The following DIS3L variants were observed in gnomAD, a reference collection of about 807,000 sequenced individuals.
The protein encoded by DIS3L is DIS3 like exosome 3'-5' exoribonuclease, also known as DIS3-like exonuclease 1.
A neutral mutation model predicts 120.3 loss-of-function variants in DIS3L; 100 were observed. The ratio of observed to expected loss-of-function variants is 0.83; its 90% confidence interval spans 0.71 to 0.98. The LOEUF (loss-of-function observed/expected upper bound fraction) is 0.98, where lower values mean the gene tolerates loss of function less well. Among genes scored for constraint, DIS3L ranks in the 50% least tolerant of loss-of-function variants. The pLI is 0.00. For missense variants in DIS3L, 1,196 were observed against 1,314.2 expected (o/e 0.91, Z 1.39); for synonymous variants, 426 against 470.6 (o/e 0.91, Z 1.23).
chr15:66,317,658 G>A (rs989830538), intron 7 of DIS3L, among the ~76,000 whole-genome samples: 1 of 152,028 alleles, frequency 6.6e-6, no homozygotes, highest in Non-Finnish European at 1.5e-5. Context: ...GGAAGAGAGA[G>A]CATACTGACA....
intron 2 of DIS3L, among the ~76,000 whole-genome samples, chr15:66,301,755 A>G (rs2092650657): frequency 6.6e-6 from 1 of 152,222 alleles, no homozygotes; most frequent in Admixed American, 6.5e-5. Context: ...GCGCTATTAA[A>G]TTATAACTGT....
intron 2 of DIS3L, among the ~76,000 whole-genome samples, chr15:66,305,145 C>T (rs2092691591): frequency 6.6e-6 from 1 of 151,146 alleles, no homozygotes; most frequent in African/African-American, 2.4e-5. Flanking sequence ...GGACTACAGG[C>T]ACCCACCACC....
intron 12 of DIS3L, 124 bp from the exon 13 acceptor site, chr15:66,328,846 G>C: frequency 8.4e-7 from 1 of 1,197,210 alleles, no homozygotes; most frequent in Admixed American, 2.6e-5. Flanking sequence ...CTTCTGAAAC[G>C]TGTCCAAAAC....
In DIS3L at chr15:66,323,477, T is replaced by C. The variant is rs765941117; in HGVS notation, c.1575-16T>C. 48 of 1,613,774 alleles carry C rather than the reference T, an allele frequency of 3.0e-5. No individual in the cohort carries two copies. In the Admixed American group the frequency reaches 8.0e-4, roughly 27 times the overall value. ...CCCTGCTAAAGGTCGCGTTGCCGCG[T>C]GTGTGTCATTCACAGGGCCACCACT... On this transcript the variant is annotated splice_polypyrimidine_tract_variant and intron_variant, in intron 10 of 16. Transcript: ENST00000319212.
rs769023700 is a variant in DIS3L, at chr15:66,295,006, G to A, written c.158G>A (p.Ser53Asn). ...ACSHDGKLLS[S>N]DVTHYVIPDW... ...GTTTCAGATGGGAAACTCTTGTCTAGTGATGTGACTCATTACGTGATCCCA... is the reference window on the plus strand; with the variant it reads ...GTTTCAGATGGGAAACTCTTGTCTAATGATGTGACTCATTACGTGATCCCA... The change falls in exon 2 of 17, where the codon AGT becomes AAT. Residue 53 changes from serine to asparagine, a missense_variant. Physicochemically the swap from Ser to Asn is conservative, Grantham distance 46. Coordinates refer to ENST00000319212, the MANE Select transcript of DIS3L (RefSeq NM_001143688.3). 9 of 1,613,456 alleles carry A rather than the reference G, an allele frequency of 5.6e-6. No homozygotes were observed. The highest frequency in any genetic ancestry group is 5.0e-5 in the Admixed American group (3 of 59,896).
intron 12 of DIS3L, among the ~76,000 whole-genome samples, chr15:66,327,020 C>T (rs1434525115): frequency 6.6e-6 from 1 of 151,910 alleles, no homozygotes; most frequent in East Asian, 1.9e-4. Context: ...ACCTCCGCCT[C>T]CCAGGTTCAA....
intron 11 of DIS3L, among the ~76,000 whole-genome samples, chr15:66,325,008 T>C (rs1178505205): frequency 6.6e-6 from 1 of 152,206 alleles, no homozygotes; most frequent in African/African-American, 2.4e-5. Flanking sequence ...GATATCACAG[T>C]TCAGTGCCAT....
chr15:66,324,722 A>T (rs887785219), intron 11 of DIS3L, among the ~76,000 whole-genome samples: 1 of 152,144 alleles, frequency 6.6e-6, no homozygotes, highest in African/African-American at 2.4e-5. Context: ...GGTATCTTAG[A>T]TTGGTTTTAA....
chr15:66,296,921 G>A, intron 2 of DIS3L, among the ~76,000 whole-genome samples: 1 of 152,174 alleles, frequency 6.6e-6, no homozygotes, highest in Admixed American at 6.5e-5. Context: ...GACACACGAA[G>A]GATAATTTAA....
chr15:66,312,623 C>T (rs2092773726), intron 5 of DIS3L, among the ~76,000 whole-genome samples: 1 of 152,156 alleles, frequency 6.6e-6, no homozygotes, highest in Non-Finnish European at 1.5e-5. Context: ...CTCCCAGGAC[C>T]CTAGAACTCA....
chr15:66,294,153 A>G (rs2092558311), intron 1 of DIS3L: 4 of 985,602 alleles, frequency 4.1e-6, no homozygotes, highest in African/African-American at 3.5e-5. Flanking sequence ...CGAAGCTGAC[A>G]TCGCCTGCTT....
At chr15:66,324,632 G>T (rs542887438) in intron 11 of DIS3L, among the ~76,000 whole-genome samples, 33 of 152,300 alleles carry the variant, frequency 2.2e-4, no homozygotes, top group Non-Finnish European at 4.6e-4. Context: ...ACCAATGTAT[G>T]AGAGTGCATA....
At chr15:66,309,701 C>T (rs926014579) in intron 4 of DIS3L, among the ~76,000 whole-genome samples, 2 of 152,160 alleles carry the variant, frequency 1.3e-5, no homozygotes. Context: ...AATCGGACCC[C>T]AAAGCTCTTA....
Position 66,295,113 on chromosome 15 carries a change from C to G in DIS3L, c.265C>G (p.Gln89Glu). ...KGIIFMQTAC[Q>E]AVQHQRGRRQ... is the part of the protein sequence containing the mutation. ...AATTATTTTCATGCAGACAGCTTGT[C>G]AAGCTGTGCAGCATCAAAGAGGCAG... Residue 89 changes from glutamine (Q) to glutamate (E), a missense_variant, in exon 2 of 17, where the codon CAA becomes GAA. Transcript: ENST00000319212. The G allele has an allele frequency of 3.1e-6, 5 of 1,614,030 alleles. No individual in the cohort carries two copies. The highest frequency in any genetic ancestry group is 4.2e-6 in the Non-Finnish European group (5 of 1,180,004).
chr15:66,293,663 C>T lies in DIS3L; in HGVS notation c.67C>T (p.Arg23Cys), dbSNP rs1003496349. The change falls in exon 1 of 17, where the codon CGC (arginine) becomes TGC (cysteine). Residue 23 changes from arginine to cysteine, a missense_variant. Coordinates refer to ENST00000319212, the MANE Select transcript of DIS3L (RefSeq NM_001143688.3). ...TFQGRTLRIV[R>C]EHYLRPCVPC... is the part of the protein sequence containing the mutation. Reference sequence around the variant, plus strand: ...CCAGGGCCGCACGCTGCGGATCGTGCGCGAGCACTACCTGCGGCCCTGCGT... The same window carrying T: ...CCAGGGCCGCACGCTGCGGATCGTGTGCGAGCACTACCTGCGGCCCTGCGT... 9.9e-5 allele frequency: 142 copies of T among 1,428,834 alleles called. No homozygotes were observed. Among genetic ancestry groups the T allele is most frequent in the Non-Finnish European group, 1.1e-4 (125 of 1,090,470 alleles). The allele number at this position is 1,428,834 out of a possible 1,614,324, so 88.5% of individuals were successfully genotyped here. A position where few individuals can be genotyped will look rare whatever the true frequency, so the allele number is the denominator to read the frequency against.
chr15:66,294,054 C>T, intron 1 of DIS3L: 1 of 986,690 alleles, frequency 1.0e-6, no homozygotes, highest in Non-Finnish European at 1.2e-6. Context: ...GAAGCCGAGG[C>T]CTCCTCCCGC....
At position 66,314,024 on chromosome 15, in the gene DIS3L, A is replaced by G. The variant is rs745375599; in HGVS notation, c.736-15A>G. ...AGAACATTTTTCATATTGATTTTTT[A>G]AATTATGATTTTAGGGAATTCTGAA... On this transcript the variant is annotated splice_polypyrimidine_tract_variant and intron_variant, in intron 5 of 16. Transcript: ENST00000319212. 12 of 1,539,790 alleles carry G rather than the reference A, an allele frequency of 7.8e-6. No homozygotes were observed. The highest frequency in any genetic ancestry group is 1.4e-5 in the African/African-American group (1 of 71,616).
At position 66,315,177 on chromosome 15, in the gene DIS3L, A is replaced by G; in HGVS notation, c.956A>G (p.Lys319Arg). Residue 319 changes from lysine (K) to arginine (R), a missense_variant, in exon 7 of 17, where the codon AAG becomes AGG. Lys to Arg is a conservative substitution (Grantham distance 26, BLOSUM62 2). Transcript: ENST00000319212. ...CTGTGTGAGAATGACTGTGACGACAAGGCTTCGGGCGAGTCCCCAAGTGAG... is the reference window on the plus strand; with the variant it reads ...CTGTGTGAGAATGACTGTGACGACAGGGCTTCGGGCGAGTCCCCAAGTGAG... ...VALCENDCDD[K>R]ASGESPSEPM... 6.2e-7 allele frequency: 1 copy of G among 1,614,006 alleles called. No individual in the cohort carries two copies.
chr15:66,326,931 G>GT (rs71447896), intron 12 of DIS3L, among the ~76,000 whole-genome samples: 220 of 140,364 alleles, frequency 1.6e-3, no homozygotes, highest in Middle Eastern at 3.9e-3. Context: ...TGTTCGGTTG[G>GT]TTTTTTTTTT....
Sources: allele counts gnomAD v4.1 joint callset (sites outside exome capture counted in the v4.1 genomes callset), GRCh38; gene constraint gnomAD v4.1.1; transcripts MANE v1.5; gene names NCBI Gene and HGNC (gene_info 2026-07-23, HGNC 2026-07-21).